The following ACVR2B variants were observed in gnomAD, a reference collection of about 807,000 sequenced individuals.
ACVR2B encodes activin A receptor type 2B, also known as activin receptor type-2B.
A neutral mutation model predicts 65.1 loss-of-function variants in ACVR2B; 18 were observed. That is an observed-to-expected ratio of 0.28 (90% CI 0.19 to 0.41). The LOEUF (loss-of-function observed/expected upper bound fraction) is 0.41, where lower values mean the gene tolerates loss of function less well. ACVR2B is among the 10% of genes least tolerant of loss of function. The probability of loss-of-function intolerance (pLI) is 1.00; values close to 1 mark genes in which losing one functional copy is unlikely to be tolerated. For missense variants in ACVR2B, 482 were observed against 682.7 expected (o/e 0.71, Z 3.28); for synonymous variants, 298 against 277.7 (o/e 1.07, Z -0.73).
At chr3:38,480,158 A>G (rs1261825754) in intron 7 of ACVR2B, among the ~76,000 whole-genome samples, 1 of 152,220 alleles carries the variant, frequency 6.6e-6, no homozygotes, top group Non-Finnish European at 1.5e-5. Flanking sequence ...GATTATGACT[A>G]TTGATATTTG....
chr3:38,465,397 C>CAAAAAAAAAAAAAAAAA (rs71085325), intron 1 of ACVR2B, among the ~76,000 whole-genome samples: 1 of 90,324 alleles, frequency 1.1e-5, no homozygotes. Flanking sequence ...GATTCCATCT[C>CAAAAAAAAAAAAAAAAA]AAAAAAAAAA....
chr3:38,455,740 A>C (rs1709539366), intron 1 of ACVR2B, among the ~76,000 whole-genome samples: 1 of 152,120 alleles, frequency 6.6e-6, no homozygotes, highest in South Asian at 2.1e-4. Flanking sequence ...CTTGGAGGCG[A>C]AGTGGTGGTC....
chr3:38,477,117 G>A lies in ACVR2B; in HGVS notation c.53-170G>A, dbSNP rs183258971. 5 of 675,546 alleles carry A rather than the reference G, an allele frequency of 7.4e-6. No homozygotes were observed. In the East Asian group the frequency reaches 8.1e-5, roughly 11 times the overall value. 41.8% of individuals were successfully genotyped at this position (675,546 alleles called of 1,614,324 possible). On this transcript the variant is annotated intron_variant, in intron 1 of 10. Coordinates refer to ENST00000352511, the MANE Select transcript of ACVR2B (RefSeq NM_001106.4). This position sits in a 1 kb window ranked among gnomAD's most constrained non-coding sequence, Gnocchi z 6.7. ...AGCTGGCACACGTAAATTAAGAGGT[G>A]TGGGACGGATGGGTGGCCTACGTCC...
intron 1 of ACVR2B, among the ~76,000 whole-genome samples, chr3:38,456,856 C>G (rs1244020941): frequency 6.6e-6 from 1 of 152,196 alleles, no homozygotes; most frequent in Non-Finnish European, 1.5e-5. Context: ...GTCAGAACTT[C>G]ATTGTATGAA....
intron 1 of ACVR2B, 163 bp downstream of exon 1, chr3:38,454,537 C>T: frequency 1.8e-6 from 1 of 553,192 alleles, no homozygotes; most frequent in East Asian, 3.9e-5. Flanking sequence ...CGGTGGGCGC[C>T]CGGCTCGCCG....
chr3:38,474,284 T>C (rs934649527), intron 1 of ACVR2B: 3 of 152,348 alleles, frequency 2.0e-5, no homozygotes, highest in African/African-American at 7.2e-5. Context: ...CCCTGACTTA[T>C]CAGTGGCCTG....
rs767920458 is a variant in ACVR2B at position 38,477,247 on chromosome 3, CA to C, written c.53-39del. On this transcript the variant is annotated intron_variant, in intron 1 of 10. Transcript: ENST00000352511. The surrounding 1 kb of genome is among the most constrained non-coding windows in gnomAD (Gnocchi z 6.7). ...GGAGTAGGGGTTTGGGTGGTGGTCC[CA>C]GGGGCATGCTCAGTGGTTCTCTTTT... The C allele has an allele frequency of 3.7e-6, 6 of 1,610,576 alleles. No individual in the cohort carries two copies. In the Admixed American group the frequency reaches 1.0e-4, roughly 27 times the overall value.
chr3:38,459,407 G>A (rs1046913895), intron 1 of ACVR2B, among the ~76,000 whole-genome samples: 2 of 152,220 alleles, frequency 1.3e-5, no homozygotes, highest in Admixed American at 6.5e-5. Context: ...TTGCCTTAAG[G>A]CTGGCACTCA....
chr3:38,456,915 A>G (rs1709560014), intron 1 of ACVR2B, among the ~76,000 whole-genome samples: 2 of 152,210 alleles, frequency 1.3e-5, no homozygotes, highest in South Asian at 4.1e-4. Flanking sequence ...CTTCAATAGT[A>G]TATTTTACTG....
chr3:38,454,226 A>T lies in ACVR2B; in HGVS notation c.-97A>T. 1 of 895,140 alleles carries T rather than the reference A, an allele frequency of 1.1e-6. No homozygotes were observed. The highest frequency in any genetic ancestry group is 4.1e-5 in the South Asian group (1 of 24,616). The allele number at this position is 895,140 out of a possible 1,614,324, so 55.4% of individuals were successfully genotyped here. On this transcript the variant is annotated 5_prime_UTR_variant, in exon 1 of 11. Transcript: ENST00000352511. Reference sequence around the variant, plus strand: ...GAACGAGACCGAAGGAAGGAGCGGGAAGGAGAGCGCAGCCGCCGCCTGGCC... The same window carrying T: ...GAACGAGACCGAAGGAAGGAGCGGGTAGGAGAGCGCAGCCGCCGCCTGGCC...
In ACVR2B at chr3:38,481,337, A is replaced by G. The variant is rs1221934268; in HGVS notation, c.960-14A>G. 6.2e-7 allele frequency: 1 copy of G among 1,601,310 alleles called. No individual in the cohort carries two copies. Among genetic ancestry groups the G allele is most frequent in the Admixed American group, 1.7e-5 (1 of 60,006 alleles). ...ATGATGTTAAGCTTTATCTCTGCCCACTTGTTTCCACAGGGACTTTAAAAG... is the reference window on the plus strand; with the variant it reads ...ATGATGTTAAGCTTTATCTCTGCCCGCTTGTTTCCACAGGGACTTTAAAAG... On this transcript the variant is annotated splice_polypyrimidine_tract_variant and intron_variant, in intron 7 of 10. Coordinates refer to ENST00000352511, the MANE Select transcript of ACVR2B (RefSeq NM_001106.4). This position sits in a 1 kb window ranked among gnomAD's most constrained non-coding sequence, Gnocchi z 4.7.
In ACVR2B at chr3:38,492,787, CACACACACACACACACATACA is replaced by C. The variant is rs2059821931; in HGVS notation, c.*9456_*9476del. The C allele has an allele frequency of 1.7e-4, 8 of 47,906 alleles. No individual in the cohort carries two copies. Among genetic ancestry groups the C allele is most frequent in the South Asian group, 6.4e-4 (1 of 1,568 alleles). The allele number at this position is 47,906 out of a possible 1,614,324, so 3.0% of individuals were successfully genotyped here. ...ACACACACACACACACACACACACA[CACACACACACACACACATACA>C]CCTAAAATGGCCTAAAGCAGACATC... On this transcript the variant is annotated 3_prime_UTR_variant, in exon 11 of 11. Coordinates refer to ENST00000352511, the MANE Select transcript of ACVR2B (RefSeq NM_001106.4).
rs917920564 is a variant in ACVR2B, at chr3:38,483,244, C to T, written c.1451C>T (p.Ser484Leu). The T allele has an allele frequency of 1.5e-5, 24 of 1,613,908 alleles. No homozygotes were observed. The highest frequency in any genetic ancestry group is 4.5e-5 in the East Asian group (2 of 44,882). Residue 484 changes from serine (S) to leucine (L), a missense_variant, in exon 11 of 11, where the codon TCG becomes TTG. Physicochemically the swap from Ser to Leu is moderately radical, Grantham distance 145. Coordinates refer to ENST00000352511, the MANE Select transcript of ACVR2B (RefSeq NM_001106.4). The surrounding 1 kb of genome is among the most constrained non-coding windows in gnomAD (Gnocchi z 4.8). ...VEERVSLIRR[S>L]VNGTTSDCLV... ...GAGCGGGTGTCCCTGATTCGGAGGTCGGTCAACGGCACTACCTCGGACTGT... is the reference window on the plus strand; with the variant it reads ...GAGCGGGTGTCCCTGATTCGGAGGTTGGTCAACGGCACTACCTCGGACTGT...
At chr3:38,467,724 C>T (rs1470926138) in intron 1 of ACVR2B, among the ~76,000 whole-genome samples, 1 of 149,272 alleles carries the variant, frequency 6.7e-6, no homozygotes, top group Non-Finnish European at 1.5e-5. Context: ...TGTACTCCAG[C>T]CTAGGTCACA....
At chr3:38,455,007 G>A (rs1709521222) in intron 1 of ACVR2B, among the ~76,000 whole-genome samples, 1 of 152,130 alleles carries the variant, frequency 6.6e-6, no homozygotes, top group African/African-American at 2.4e-5. Context: ...ACTTGGGAGG[G>A]GAGGGGGTGG....
At chr3:38,460,067 C>A (rs1259725204) in intron 1 of ACVR2B, among the ~76,000 whole-genome samples, 3 of 152,160 alleles carry the variant, frequency 2.0e-5, no homozygotes, top group African/African-American at 7.2e-5. Context: ...ACCCAGTTTC[C>A]AAGTGCTCCA....
chr3:38,460,470 G>A (rs1280329650), intron 1 of ACVR2B, among the ~76,000 whole-genome samples: 1 of 152,226 alleles, frequency 6.6e-6, no homozygotes, highest in Non-Finnish European at 1.5e-5. Context: ...GGCTGGGATT[G>A]TTCAAGGGTC....
intron 1 of ACVR2B, among the ~76,000 whole-genome samples, chr3:38,462,423 C>G (rs1189464693): frequency 6.6e-6 from 1 of 152,154 alleles, no homozygotes; most frequent in African/African-American, 2.4e-5. Context: ...CCAGCAAGCC[C>G]TGTTTTGTTC....
At chr3:38,479,296 C>A (rs2125723860) in intron 6 of ACVR2B, 25 bp downstream of exon 6, 1 of 1,614,112 alleles carries the variant, frequency 6.2e-7, no homozygotes, top group Non-Finnish European at 8.5e-7. Context: ...TCAGAATGGA[C>A]TCTGAGAGGA....
Sources: gnomAD v4.1 joint callset for allele counts (sites outside exome capture counted in the v4.1 genomes callset) on GRCh38, gnomAD v4.1.1 for gene constraint, Gnocchi (gnomAD v3.1) non-coding constraint, MANE v1.5 for transcripts, NCBI Gene and HGNC (gene_info 2026-07-23, HGNC 2026-07-21) for gene names.